The following ZNF687 variants were observed in gnomAD, a reference collection of about 807,000 sequenced individuals.
ZNF687 encodes zinc finger protein 687.
ZNF687 carries 13 observed loss-of-function variants against 71.8 expected under a neutral mutation model. The observed-to-expected ratio is 0.18, with a 90% confidence interval of 0.12 to 0.29. ZNF687 has a LOEUF of 0.29. Among genes scored for constraint, ZNF687 ranks in the 10% least tolerant of loss-of-function variants. The pLI, the probability that ZNF687 is intolerant of heterozygous loss-of-function variation, is 1.00. For synonymous variants in ZNF687, 673 were observed against 641.6 expected (o/e 1.05, Z -0.74); for missense variants, 1,412 against 1,625.6 (o/e 0.87, Z 2.26).
Position 151,289,920 on chromosome 1 carries a change from G to A in ZNF687, c.2877G>A (p.Gly959=). ...GSKGLKGGGG[G]PGGWTCGLCH... is the part of the protein sequence containing the mutation. ...AAGGCCTCAAGGGTGGGGGTGGGGG[G>A]CCTGGAGGCTGGACCTGTGGCCTGT... The change falls in exon 6 of 9, where the codon GGG becomes GGA. Residue 959 remains glycine, a synonymous_variant. Coordinates refer to ENST00000336715, the MANE Select transcript of ZNF687 (RefSeq NM_020832.3). 1.3e-6 allele frequency: 2 copies of A among 1,558,268 alleles called. No homozygotes were observed. The highest frequency in any genetic ancestry group is 1.7e-6 in the Non-Finnish European group (2 of 1,148,844).
rs1237916804 is a variant in ZNF687 at position 151,288,680 on chromosome 1, G to A, written c.2268G>A (p.Leu756=). 1 of 1,613,648 alleles carries A rather than the reference G, an allele frequency of 6.2e-7. No homozygotes were observed. Among genetic ancestry groups the A allele is most frequent in the Non-Finnish European group, 8.5e-7 (1 of 1,179,820 alleles). ...AGACCCATCTCCGGGAGGCCTGTCTGCACGTCTCTCGCCGTGTAGGATACA... is the reference window on the plus strand; with the variant it reads ...AGACCCATCTCCGGGAGGCCTGTCTACACGTCTCTCGCCGTGTAGGATACA... The part of the protein sequence containing the change: ...NFQTHLREAC[L]HVSRRVGYRC... Residue 756 remains leucine, a synonymous_variant, in exon 3 of 9, where the codon CTG becomes CTA. Coordinates refer to ENST00000336715, the MANE Select transcript of ZNF687 (RefSeq NM_020832.3).
At chr1:151,282,124 G>A, upstream of ZNF687, 1 of 1,256,934 alleles carries the variant, frequency 8.0e-7, no homozygotes, top group Non-Finnish European at 1.0e-6. Context: ...AGCATAAGAG[G>A]ACTGTGCGGG....
chr1:151,283,262 T>G (rs1008778153), intron 1 of ZNF687: 79 of 985,302 alleles, frequency 8.0e-5, no homozygotes, highest in African/African-American at 8.7e-5. Context: ...GGCCTCAACC[T>G]AATCGCCGCC....
Position 151,289,850 on chromosome 1 carries a change from A to C in ZNF687, c.2807A>C (p.Glu936Ala), listed in dbSNP as rs1189906965. 1 of 1,567,900 alleles carries C rather than the reference A, an allele frequency of 6.4e-7. No individual in the cohort carries two copies. The change falls in exon 6 of 9, where the codon GAG becomes GCG. Residue 936 changes from glutamate (E) to alanine (A), a missense_variant. By Grantham distance (107) the Glu-to-Ala change is moderately radical. Coordinates refer to ENST00000336715, the MANE Select transcript of ZNF687 (RefSeq NM_020832.3). ...GAGGAGGAAGTACCCAGCTCCCCTGAGCCCCCCCGTCCAGCCAAACGGCCT... is the reference window on the plus strand; with the variant it reads ...GAGGAGGAAGTACCCAGCTCCCCTGCGCCCCCCCGTCCAGCCAAACGGCCT... ...SEEEEVPSSP[E>A]PPRPAKRPRR...
chr1:151,288,979 T>A, intron 3 of ZNF687, 116 bp from the exon 4 acceptor site: 2 of 1,194,434 alleles, frequency 1.7e-6, no homozygotes, highest in South Asian at 2.9e-5. Flanking sequence ...CTGCTCATGC[T>A]CCACTACTGA....
upstream of ZNF687, chr1:151,282,278 G>A (rs1693741327): frequency 2.0e-6 from 2 of 1,006,668 alleles, no homozygotes; most frequent in Admixed American, 5.6e-5. Context: ...AGGGAGTGGG[G>A]AGGCCGAACC....
At position 151,282,304 on chromosome 1, in the gene ZNF687, G is replaced by C; in HGVS notation, c.-109G>C. The C allele has an allele frequency of 1.0e-6, 1 of 1,001,590 alleles. No individual in the cohort carries two copies. Among genetic ancestry groups the C allele is most frequent in the Non-Finnish European group, 1.2e-6 (1 of 837,388 alleles). 62.0% of individuals were successfully genotyped at this position (1,001,590 alleles called of 1,614,324 possible). On this transcript the variant is annotated 5_prime_UTR_variant, in exon 1 of 9. Transcript: ENST00000336715. ...AGGCCGAACCGGAGAGAAGCAGGAAGTAGCGGCGGCCGCGGGGAGGGCGGC... is the reference window on the plus strand; with the variant it reads ...AGGCCGAACCGGAGAGAAGCAGGAACTAGCGGCGGCCGCGGGGAGGGCGGC...
chr1:151,282,831 C>G (rs1234656387), intron 1 of ZNF687, among the ~76,000 whole-genome samples: 1 of 152,076 alleles, frequency 6.6e-6, no homozygotes, highest in African/African-American at 2.4e-5. Flanking sequence ...CGCCCCCGGC[C>G]CCCTGCGCAC....
chr1:151,287,724 C>T lies in ZNF687; in HGVS notation c.1433C>T (p.Thr478Ile). 1 of 1,613,734 alleles carries T rather than the reference C, an allele frequency of 6.2e-7. No homozygotes were observed. Among genetic ancestry groups the T allele is most frequent in the East Asian group, 2.2e-5 (1 of 44,880 alleles). The part of the protein sequence containing the change: ...ASVVMVQPSK[T>I]ATGPSTGGGT... ...GTGGTGATGGTGCAACCTTCAAAGACAGCTACTGGGCCAAGTACAGGGGGC... is the reference window on the plus strand; with the variant it reads ...GTGGTGATGGTGCAACCTTCAAAGATAGCTACTGGGCCAAGTACAGGGGGC... The change falls in exon 2 of 9, where the codon ACA (threonine) becomes ATA (isoleucine). Residue 478 changes from threonine (T) to isoleucine (I), a missense_variant. This residue lies in a region of ZNF687 where 133 missense variants were observed against 155.1 expected (regional missense o/e 0.86). Coordinates refer to ENST00000336715, the MANE Select transcript of ZNF687 (RefSeq NM_020832.3). The surrounding 1 kb of genome is among the most constrained non-coding windows in gnomAD (Gnocchi z 5.0).
Position 151,289,871 on chromosome 1 carries a change from G to A in ZNF687, c.2828G>A (p.Arg943Gln), listed in dbSNP as rs777334135. 9.6e-6 allele frequency: 15 copies of A among 1,563,898 alleles called. No homozygotes were observed. Among genetic ancestry groups the A allele is most frequent in the African/African-American group, 2.7e-5 (2 of 73,626 alleles). The change falls in exon 6 of 9, where the codon CGG (arginine) becomes CAG (glutamine). Residue 943 changes from arginine (R) to glutamine (Q), a missense_variant. Coordinates refer to ENST00000336715, the MANE Select transcript of ZNF687 (RefSeq NM_020832.3). ...SSPEPPRPAK[R>Q]PRRELGSKGL... Reference sequence around the variant, plus strand: ...CCTGAGCCCCCCCGTCCAGCCAAACGGCCTCGGCGGGAACTAGGGAGCAAA... The same window carrying A: ...CCTGAGCCCCCCCGTCCAGCCAAACAGCCTCGGCGGGAACTAGGGAGCAAA...
upstream of ZNF687, chr1:151,282,022 A>G: frequency 7.9e-7 from 1 of 1,259,954 alleles, no homozygotes. Flanking sequence ...GCGGAGGCCA[A>G]TCGTTTACGA....
chr1:151,282,284 G>A (rs1188500677), upstream of ZNF687: 5 of 1,003,530 alleles, frequency 5.0e-6, no homozygotes, highest in Admixed American at 5.7e-5. Context: ...TGGGGAGGCC[G>A]AACCGGAGAG....
chr1:151,281,921 A>G, upstream of ZNF687: 3 of 894,486 alleles, frequency 3.4e-6, no homozygotes, highest in Admixed American at 3.7e-5. Flanking sequence ...TCGAGCGGCC[A>G]GTAGGGAGCG....
At position 151,291,474 on chromosome 1, in the gene ZNF687, A is replaced by C; in HGVS notation, c.*265A>C. On this transcript the variant is annotated 3_prime_UTR_variant, in exon 9 of 9. Coordinates refer to ENST00000336715, the MANE Select transcript of ZNF687 (RefSeq NM_020832.3). ...ATTAATTTTATGCTCCTGCTGCAGA[A>C]CCCCCAGTGTGGGCCTGGGGGTGGG... is the stretch of plus-strand genomic sequence containing the variant. 7.8e-6 allele frequency: 3 copies of C among 385,368 alleles called. No homozygotes were observed. Among genetic ancestry groups the C allele is most frequent in the Non-Finnish European group, 4.7e-6 (1 of 212,710 alleles). 23.9% of individuals were successfully genotyped at this position (385,368 alleles called of 1,614,324 possible).
chr1:151,289,051 A>G (rs1571101760), intron 3 of ZNF687, 44 bp from the exon 4 acceptor site: 1 of 1,595,082 alleles, frequency 6.3e-7, no homozygotes, highest in Non-Finnish European at 8.6e-7. Flanking sequence ...GTGGGCATGG[A>G]GATGCCTCCC....
In ZNF687 at chr1:151,287,361, C is replaced by T. The variant is rs765348881; in HGVS notation, c.1070C>T (p.Ala357Val). The change falls in exon 2 of 9, where the codon GCC becomes GTC. Residue 357 changes from alanine (A) to valine (V), a missense_variant. Physicochemically the swap from Ala to Val is moderately conservative, Grantham distance 64. Around this residue, in one of 8 missense-constraint regions of ZNF687, gnomAD observed 490 missense variants for 489.9 expected, o/e 1.00. Transcript: ENST00000336715. The surrounding 1 kb of genome is among the most constrained non-coding windows in gnomAD (Gnocchi z 5.0). ...TQVPSDPDPPAPLAEGAFLAE... is the reference protein window; with the variant it reads ...TQVPSDPDPPVPLAEGAFLAE... ...GTCCCCTCAGATCCTGATCCACCTG[C>T]CCCCTTGGCTGAGGGGGCCTTCTTG... is the stretch of plus-strand genomic sequence containing the variant. The T allele has an allele frequency of 5.6e-6, 9 of 1,614,096 alleles. No homozygotes were observed. In the Admixed American group the frequency reaches 8.3e-5, roughly 15 times the overall value.
chr1:151,290,770 G>A lies in ZNF687; in HGVS notation c.3275G>A (p.Ser1092Asn). The A allele has an allele frequency of 6.2e-7, 1 of 1,613,476 alleles. No homozygotes were observed. Among genetic ancestry groups the A allele is most frequent in the Non-Finnish European group, 8.5e-7 (1 of 1,179,834 alleles). Residue 1092 changes from serine to asparagine, a missense_variant, in exon 9 of 9, where the codon AGC (serine) becomes AAC (asparagine). Ser to Asn is a conservative substitution (Grantham distance 46). This residue lies in a region of ZNF687 where 284 missense variants were observed against 359.2 expected (regional missense o/e 0.79). Coordinates refer to ENST00000336715, the MANE Select transcript of ZNF687 (RefSeq NM_020832.3). Reference protein sequence around the residue: ...SSDSCSEEPDSTTPPAKSPRG... With the variant: ...SSDSCSEEPDNTTPPAKSPRG... ...GACTCTTGCAGTGAGGAGCCTGACA[G>A]CACGACACCGCCAGCCAAGTCCCCC...
upstream of ZNF687, chr1:151,282,235 G>A: frequency 9.7e-7 from 1 of 1,031,556 alleles, no homozygotes; most frequent in Non-Finnish European, 1.2e-6. Context: ...GTGCGAAAAC[G>A]GGCAGCCCAG....
At chr1:151,283,337 C>G (rs1693806271) in intron 1 of ZNF687, 1 of 979,902 alleles carries the variant, frequency 1.0e-6, no homozygotes. Context: ...AGCCCCCACT[C>G]GACCTGGGCC....
Sources: gnomAD v4.1 joint callset for allele counts (sites outside exome capture counted in the v4.1 genomes callset) on GRCh38, gnomAD v4.1.1 for gene constraint, gnomAD v4.1.1 regional missense constraint, Gnocchi (gnomAD v3.1) non-coding constraint, MANE v1.5 for transcripts, NCBI Gene and HGNC (gene_info 2026-07-23, HGNC 2026-07-21) for gene names.